ALDH1A2: variants seen among roughly 807,000 people sequenced by gnomAD.
The protein encoded by ALDH1A2 is retinal dehydrogenase 2.
A neutral mutation model predicts 60.3 loss-of-function variants in ALDH1A2; 27 were observed. The observed-to-expected ratio is 0.45, with a 90% CI of 0.33 to 0.62. The LOEUF (loss-of-function observed/expected upper bound fraction) is 0.62, where lower values mean the gene tolerates loss of function less well. ALDH1A2 is among the 20% of genes least tolerant of loss of function. The pLI, the probability that ALDH1A2 is intolerant of heterozygous loss-of-function variation, is 0.02. For synonymous variants in ALDH1A2, 289 were observed against 232.4 expected (o/e 1.24, Z -2.21); for missense variants, 581 against 643.8 (o/e 0.90, Z 1.06).
intron 7 of ALDH1A2, among the ~76,000 whole-genome samples, chr15:57,989,946 T>C (rs1311936047): frequency 5.5e-5 from 3 of 54,890 alleles, no homozygotes; most frequent in African/African-American, 1.7e-4. Context: ...TGAGCCGAGA[T>C]TGCGTCACTG....
In ALDH1A2 at chr15:58,009,103, G is replaced by A. The variant is rs190637789; in HGVS notation, c.493+1546C>T. On this transcript the variant is annotated intron_variant, in intron 4 of 12. Transcript: ENST00000249750. ...AACATTCCACATGTCATCATCATTT[G>A]TAGGGGCAATTTAAAAAATAATCCT... 1.6e-3 allele frequency among the ~76,000 whole-genome samples: 246 copies of A among 152,154 alleles called. 1 individual carries two copies. The highest frequency in any genetic ancestry group is 0.011 in the Admixed American group (163 of 15,264).
At chr15:57,960,398 G>A (rs1389153865) in intron 12 of ALDH1A2, among the ~76,000 whole-genome samples, 2 of 152,146 alleles carry the variant, frequency 1.3e-5, no homozygotes, top group Non-Finnish European at 2.9e-5. Flanking sequence ...GAGGGAAAGT[G>A]GGTTCTTTTC....
At chr15:58,057,945 T>G (rs1896937398) in intron 1 of ALDH1A2, 1 of 869,552 alleles carries the variant, frequency 1.2e-6, no homozygotes, top group Admixed American at 4.1e-5. Flanking sequence ...AAAATTAAAT[T>G]TTATAATAAA....
intron 7 of ALDH1A2, 40 bp from the exon 8 acceptor site, chr15:57,965,867 C>G: frequency 6.6e-7 from 1 of 1,507,574 alleles, no homozygotes; most frequent in Non-Finnish European, 9.2e-7. Context: ...GCAAATCCTG[C>G]AGGTGAGACA....
rs756367825 is a variant in ALDH1A2 at position 58,014,231 on chromosome 15, A to C, written c.168T>G (p.Pro56=). The change falls in exon 2 of 13, where the codon CCT becomes CCG. Residue 56 remains proline, a synonymous_variant. Coordinates refer to ENST00000249750, the MANE Select transcript of ALDH1A2 (RefSeq NM_003888.4). ...GTTCTCCTGTGGCTGGATTATAGAC[A>C]GGGAACACTCTCCCACTCTCTGAGT... is the stretch of plus-strand genomic sequence containing the variant. ...WQNSESGRVF[P]VYNPATGEQV... 4.3e-6 allele frequency: 7 copies of C among 1,614,002 alleles called. No homozygotes were observed. The highest frequency in any genetic ancestry group is 5.9e-6 in the Non-Finnish European group (7 of 1,179,974).
intron 1 of ALDH1A2, among the ~76,000 whole-genome samples, chr15:58,042,320 G>C (rs1446192189): frequency 2.0e-5 from 3 of 151,794 alleles, no homozygotes; most frequent in Non-Finnish European, 4.4e-5. Flanking sequence ...CTATCATACT[G>C]TCCTGTAATA....
At chr15:58,025,218 G>T (rs1896046728) in intron 1 of ALDH1A2, among the ~76,000 whole-genome samples, 1 of 151,944 alleles carries the variant, frequency 6.6e-6, no homozygotes, top group African/African-American at 2.4e-5. Context: ...AGACTAAAAA[G>T]AATACAACAG....
At chr15:57,999,721 C>A (rs1430824639) in intron 4 of ALDH1A2, among the ~76,000 whole-genome samples, 3 of 151,690 alleles carry the variant, frequency 2.0e-5, no homozygotes, top group African/African-American at 7.3e-5. Context: ...GAGTATATAC[C>A]CAAAGGAATA....
At chr15:58,015,770 A>G (rs1895772806) in intron 1 of ALDH1A2, among the ~76,000 whole-genome samples, 1 of 152,184 alleles carries the variant, frequency 6.6e-6, no homozygotes, top group Non-Finnish European at 1.5e-5. Flanking sequence ...TGACTCAACA[A>G]TGTGTTCTTT....
chr15:57,956,193 C>CAAGG (rs753073526), intron 12 of ALDH1A2, among the ~76,000 whole-genome samples: 51 of 152,164 alleles, frequency 3.4e-4, no homozygotes, highest in South Asian at 1.7e-3. Context: ...ACCTGATGAC[C>CAAGG]AAGGAAGGAA....
intron 1 of ALDH1A2, among the ~76,000 whole-genome samples, chr15:58,034,342 C>G (rs147990873): frequency 1.1e-4 from 16 of 151,492 alleles, no homozygotes; most frequent in Non-Finnish European, 1.8e-4. Flanking sequence ...ATAGTAATCC[C>G]GTCAGTTCTA....
intron 4 of ALDH1A2, among the ~76,000 whole-genome samples, chr15:58,000,792 G>C (rs1039080137): frequency 6.6e-6 from 1 of 151,860 alleles, no homozygotes; most frequent in African/African-American, 2.4e-5. Context: ...GGACCAGAGA[G>C]TCTGCATTTC....
intron 7 of ALDH1A2, among the ~76,000 whole-genome samples, chr15:57,974,282 C>T (rs1173297559): frequency 2.0e-5 from 3 of 151,466 alleles, no homozygotes; most frequent in Non-Finnish European, 1.5e-5. Flanking sequence ...AAATACAAAA[C>T]ATTAGCTGGG....
At chr15:57,995,029 G>T in intron 5 of ALDH1A2, 49 bp downstream of exon 5, 2 of 1,527,796 alleles carry the variant, frequency 1.3e-6, no homozygotes, top group Non-Finnish European at 1.8e-6. Context: ...GTCTTTAAGA[G>T]AACTGGGTCA....
Position 58,065,647 on chromosome 15 carries a change from T to TCATGGTGGCGGGCCGGGTGTCC in ALDH1A2, c.-19_3dup (p.Thr2GlyfsTer42). ...CCGGGCATCTCTATCTTGCTGGAAGTCATGGTGGCGGGCCGGGTGTCCCTA... is the reference window on the plus strand; with the variant it reads ...CCGGGCATCTCTATCTTGCTGGAAGTCATGGTGGCGGGCCGGGTGTCCCATGGTGGCGGGCCGGGTGTCCCTA... On this transcript the variant is annotated frameshift_variant, in exon 1 of 13. Coordinates refer to ENST00000249750, the MANE Select transcript of ALDH1A2 (RefSeq NM_003888.4). LOFTEE classifies it high-confidence loss of function. 1 of 1,592,174 alleles carries TCATGGTGGCGGGCCGGGTGTCC rather than the reference T, an allele frequency of 6.3e-7. No homozygotes were observed.
intron 1 of ALDH1A2, among the ~76,000 whole-genome samples, chr15:58,032,744 A>G (rs1488258805): frequency 6.6e-6 from 1 of 151,938 alleles, no homozygotes; most frequent in African/African-American, 2.4e-5. Flanking sequence ...TTATTGTAGC[A>G]CTATTCACAA....
chr15:57,985,596 G>C (rs1894671284), intron 7 of ALDH1A2, among the ~76,000 whole-genome samples: 1 of 152,132 alleles, frequency 6.6e-6, no homozygotes, highest in South Asian at 2.1e-4. Context: ...AAGCAGGGGA[G>C]GGTTCTACTG....
intron 1 of ALDH1A2, among the ~76,000 whole-genome samples, chr15:58,062,567 T>A (rs1283306306): frequency 1.3e-5 from 2 of 152,156 alleles, no homozygotes; most frequent in African/African-American, 2.4e-5. Flanking sequence ...CATAAACACA[T>A]CGCTCAAGGC....
intron 1 of ALDH1A2, among the ~76,000 whole-genome samples, chr15:58,044,203 C>T (rs1003532554): frequency 6.6e-6 from 1 of 151,758 alleles, no homozygotes; most frequent in African/African-American, 2.4e-5. Context: ...CGTTTGTTAC[C>T]TAGGTATACA....
Sources: gnomAD v4.1 joint callset for allele counts (sites outside exome capture counted in the v4.1 genomes callset) on GRCh38, gnomAD v4.1.1 for gene constraint, MANE v1.5 for transcripts, NCBI Gene and HGNC (gene_info 2026-07-23, HGNC 2026-07-21) for gene names.